AGBL3: variants seen among roughly 807,000 people sequenced by gnomAD.
AGBL3 encodes the protein AGBL carboxypeptidase 3.
Under a neutral mutation model 94.5 loss-of-function variants are expected in AGBL3, and 68 were observed. The ratio of observed to expected loss-of-function variants is 0.72; its 90% CI spans 0.59 to 0.88. The LOEUF (loss-of-function observed/expected upper bound fraction) is 0.88, where lower values mean the gene tolerates loss of function less well. Ranked by LOEUF, AGBL3 falls within the 40% of genes least tolerant of loss-of-function variation. The probability of loss-of-function intolerance (pLI) is 0.00; values close to 1 mark genes in which losing one functional copy is unlikely to be tolerated. For missense variants in AGBL3, 934 were observed against 1,103.8 expected, an observed-to-expected ratio of 0.85 and a Z score of 2.18; for synonymous variants, 354 against 370.7, an observed-to-expected ratio of 0.95 and a Z score of 0.52.
intron 4 of AGBL3, among the ~76,000 whole-genome samples, chr7:135,016,211 A>T (rs1350008667): frequency 3.9e-5 from 6 of 152,132 alleles, no homozygotes; most frequent in Non-Finnish European, 8.8e-5. Flanking sequence ...TTTAATTATA[A>T]TTTGCTTATC....
At chr7:135,098,463 G>A (rs1412565876) in intron 15 of AGBL3, among the ~76,000 whole-genome samples, 1 of 152,190 alleles carries the variant, frequency 6.6e-6, no homozygotes, top group South Asian at 2.1e-4. Context: ...TGGTACAGAT[G>A]CATTTTTTTC....
chr7:135,119,832 G>A (rs541421689), intron 16 of AGBL3, among the ~76,000 whole-genome samples: 3 of 152,206 alleles, frequency 2.0e-5, no homozygotes, highest in East Asian at 1.9e-4. Context: ...AGCCAAGATC[G>A]TGCCACTGCA....
chr7:135,005,611 T>G (rs1476678662), intron 4 of AGBL3, among the ~76,000 whole-genome samples: 1 of 151,696 alleles, frequency 6.6e-6, no homozygotes, highest in African/African-American at 2.4e-5. Flanking sequence ...ATTCTAAAAT[T>G]TATATGGAAA....
At chr7:134,996,002 T>C (rs1205510538) in intron 4 of AGBL3, among the ~76,000 whole-genome samples, 1 of 152,216 alleles carries the variant, frequency 6.6e-6, no homozygotes. Flanking sequence ...CTTCCCACAG[T>C]CTTACGTATT....
chr7:135,096,558 A>AGAT (rs1822770203), intron 15 of AGBL3, among the ~76,000 whole-genome samples: 1 of 79,730 alleles, frequency 1.3e-5, no homozygotes, highest in African/African-American at 4.6e-5. Context: ...GAAAGAAAGA[A>AGAT]AGATAGATAG....
At chr7:135,119,575 A>G (rs1826832897) in intron 16 of AGBL3, among the ~76,000 whole-genome samples, 1 of 151,636 alleles carries the variant, frequency 6.6e-6, no homozygotes, top group African/African-American at 2.4e-5. Context: ...AAAAGAAAAA[A>G]CTATCGAAAG....
chr7:134,996,772 G>T (rs7792318), intron 4 of AGBL3, among the ~76,000 whole-genome samples: 1 of 151,958 alleles, frequency 6.6e-6, no homozygotes, highest in Non-Finnish European at 1.5e-5. Flanking sequence ...TATTTTGGGG[G>T]TACATTCCCA....
At chr7:135,013,675 A>T (rs1476250317) in intron 4 of AGBL3, among the ~76,000 whole-genome samples, 1 of 151,744 alleles carries the variant, frequency 6.6e-6, no homozygotes, top group Admixed American at 6.5e-5. Flanking sequence ...TTCCGCTGAC[A>T]GTCATGTTGT....
At position 135,015,242 on chromosome 7, in the gene AGBL3, CG is replaced by C. The variant is rs557317779; in HGVS notation, c.311-1809del. Among the ~76,000 whole-genome samples the C allele has an allele frequency of 6.7e-3, 1,013 of 152,236 alleles. 12 individuals carry two copies. Among genetic ancestry groups the C allele is most frequent in the African/African-American group, 0.023 (964 of 41,550 alleles). ...AAGCCAAAATCTTCTACTTAAACAA[CG>C]CTTGCTCGAGAGTAGCTTTTTTGCA... On this transcript the variant is annotated intron_variant, in intron 4 of 16. Coordinates refer to ENST00000436302, the MANE Select transcript of AGBL3 (RefSeq NM_178563.4).
intron 5 of AGBL3, among the ~76,000 whole-genome samples, chr7:135,028,547 T>TA (rs1815395789): frequency 6.6e-6 from 1 of 152,342 alleles, no homozygotes; most frequent in South Asian, 2.1e-4. Flanking sequence ...GCTCTACTTC[T>TA]AATTCTAGTT....
chr7:134,986,765 T>TC (rs1809495798), intron 1 of AGBL3, 64 bp downstream of exon 1: 2 of 152,304 alleles, frequency 1.3e-5, no homozygotes. Flanking sequence ...AATGAGCGCC[T>TC]CCCCACACCA....
chr7:134,995,664 C>T (rs1810919875), intron 4 of AGBL3: 1 of 152,142 alleles, frequency 6.6e-6, no homozygotes, highest in African/African-American at 2.4e-5. Flanking sequence ...GACTTTGGGC[C>T]CTGTGAATCC....
chr7:135,058,184 G>T (rs957827352), intron 11 of AGBL3, among the ~76,000 whole-genome samples: 2 of 152,106 alleles, frequency 1.3e-5, no homozygotes, highest in African/African-American at 4.8e-5. Context: ...AGGAAGTTAT[G>T]CAGGGAATGG....
At chr7:135,077,148 G>C (rs138109980) in intron 13 of AGBL3, among the ~76,000 whole-genome samples, 1 of 147,360 alleles carries the variant, frequency 6.8e-6, no homozygotes, top group African/African-American at 2.5e-5. Context: ...TCCCAGGAGG[G>C]GGAGGATATC....
intron 8 of AGBL3, among the ~76,000 whole-genome samples, chr7:135,040,575 T>G (rs1233169095): frequency 8.6e-6 from 1 of 115,704 alleles, no homozygotes; most frequent in East Asian, 2.0e-4. Context: ...CAGCATCTTG[T>G]TATGAAAAAA....
intron 13 of AGBL3, among the ~76,000 whole-genome samples, chr7:135,079,267 A>G (rs1327417965): frequency 6.6e-6 from 1 of 152,214 alleles, no homozygotes; most frequent in Non-Finnish European, 1.5e-5. Flanking sequence ...ATTGCATAAT[A>G]TCACTACTTT....
rs967530775 is a variant in AGBL3 at position 135,059,112 on chromosome 7, T to G, written c.1842-57T>G. The stretch of plus-strand genomic sequence containing the variant: ...CAAATAAGATAAATAAAAGCAACAG[T>G]TGAAATTTTAAGATGCCACCAAAAC... On this transcript the variant is annotated intron_variant, in intron 11 of 16. Coordinates refer to ENST00000436302, the MANE Select transcript of AGBL3 (RefSeq NM_178563.4). 13 of 1,295,680 alleles carry G rather than the reference T, an allele frequency of 1.0e-5. No individual in the cohort carries two copies. The East Asian group carries it at 3.3e-4, about 33-fold the overall frequency. The allele number at this position is 1,295,680 out of a possible 1,614,324, so 80.3% of individuals were successfully genotyped here.
intron 15 of AGBL3, among the ~76,000 whole-genome samples, 179 bp from the exon 16 acceptor site, chr7:135,115,200 CT>C (rs1563281122): frequency 3.3e-5 from 5 of 152,138 alleles, no homozygotes. Context: ...ATCCCGTAAA[CT>C]TTATCATTAT....
chr7:135,026,122 A>C (rs550386635), intron 5 of AGBL3, among the ~76,000 whole-genome samples: 1 of 151,594 alleles, frequency 6.6e-6, no homozygotes, highest in South Asian at 2.2e-4. Context: ...TTTGCACATG[A>C]AACATATTCT....
Sources: gnomAD v4.1 joint callset for allele counts (sites outside exome capture counted in the v4.1 genomes callset) on GRCh38, gnomAD v4.1.1 for gene constraint, MANE v1.5 for transcripts, NCBI Gene and HGNC (gene_info 2026-07-23, HGNC 2026-07-21) for gene names.